RASEF: variants seen among roughly 807,000 people sequenced by gnomAD.
The protein encoded by RASEF is RAS and EF-hand domain containing.
Under a neutral mutation model 90.1 loss-of-function variants are expected in RASEF, and 68 were observed. That is an observed-to-expected ratio of 0.75 (90% CI 0.62 to 0.92). The LOEUF (loss-of-function observed/expected upper bound fraction) is 0.92, where lower values mean the gene tolerates loss of function less well. RASEF is among the 40% of genes least tolerant of loss of function. RASEF has a pLI of 0.00. For missense variants in RASEF, 949 were observed against 937.2 expected (o/e 1.01, Z -0.16); for synonymous variants, 331 against 345.2 (o/e 0.96, Z 0.46).
At chr9:83,120,729 G>C in the RASEF span, among the ~76,000 whole-genome samples, 1 of 152,128 alleles carries the variant, frequency 6.6e-6, no homozygotes, top group Non-Finnish European at 1.5e-5. Context: ...TAAAAATGTA[G>C]ATTGGTAATC....
At chr9:83,091,963 T>C in the RASEF span, among the ~76,000 whole-genome samples, 1 of 147,674 alleles carries the variant, frequency 6.8e-6, no homozygotes, top group African/African-American at 2.5e-5. Flanking sequence ...CTTACTAAGA[T>C]CCAGCTATGT....
the RASEF span, among the ~76,000 whole-genome samples, chr9:83,071,487 C>T: frequency 6.6e-6 from 1 of 152,110 alleles, no homozygotes; most frequent in Admixed American, 6.5e-5. Context: ...CTCATGGCAA[C>T]CTCTGCCTCC....
At chr9:83,136,641 G>A in the RASEF span, among the ~76,000 whole-genome samples, 1 of 152,058 alleles carries the variant, frequency 6.6e-6, no homozygotes, top group Non-Finnish European at 1.5e-5. Flanking sequence ...TGGCATATTT[G>A]AGCTGTCCAG....
the RASEF span, among the ~76,000 whole-genome samples, chr9:83,080,637 T>TA: frequency 2.0e-5 from 3 of 152,132 alleles, no homozygotes; most frequent in Admixed American, 1.3e-4. Flanking sequence ...CTCTCAATGT[T>TA]AAAAAAATTA....
the RASEF span, among the ~76,000 whole-genome samples, chr9:83,159,058 T>C: frequency 4.6e-5 from 7 of 151,856 alleles, no homozygotes; most frequent in Non-Finnish European, 1.0e-4. Context: ...TGGTGGCAGG[T>C]GCCTGTAGTC....
At chr9:83,159,107 AC>A in the RASEF span, among the ~76,000 whole-genome samples, 1 of 151,016 alleles carries the variant, frequency 6.6e-6, no homozygotes, top group Non-Finnish European at 1.5e-5. Flanking sequence ...AATGGTGTAA[AC>A]CCAGGAGGCG....
chr9:83,031,361 T>C (rs7043189), intron 1 of RASEF, among the ~76,000 whole-genome samples: 4,517 of 152,288 alleles, frequency 0.03, 207 homozygotes, highest in African/African-American at 0.1. Flanking sequence ...CTTGAAGCAT[T>C]CAGATACCAA....
the RASEF span, among the ~76,000 whole-genome samples, chr9:83,139,150 A>G: frequency 6.6e-6 from 1 of 152,328 alleles, no homozygotes; most frequent in East Asian, 1.9e-4. Context: ...AAGAGTAGGG[A>G]GCTTGTTAGA....
the RASEF span, among the ~76,000 whole-genome samples, chr9:83,079,017 CTGT>C: frequency 6.6e-6 from 1 of 152,250 alleles, no homozygotes; most frequent in East Asian, 1.9e-4. Context: ...GTTGTTTCCT[CTGT>C]TGTTAGTTTC....
chr9:82,996,575 A>G (rs1828922722), intron 14 of RASEF, among the ~76,000 whole-genome samples: 1 of 152,140 alleles, frequency 6.6e-6, no homozygotes, highest in Non-Finnish European at 1.5e-5. Context: ...GAGAGCTCCC[A>G]TACAATTTGA....
the RASEF span, among the ~76,000 whole-genome samples, chr9:83,102,965 C>T: frequency 6.6e-6 from 1 of 152,114 alleles, no homozygotes; most frequent in Non-Finnish European, 1.5e-5. Flanking sequence ...CAGCATGACC[C>T]CAAACATCAA....
At chr9:83,071,693 A>C in the RASEF span, among the ~76,000 whole-genome samples, 1 of 152,218 alleles carries the variant, frequency 6.6e-6, no homozygotes, top group Non-Finnish European at 1.5e-5. Context: ...GGTGTGAGCC[A>C]CTGCACACGG....
the RASEF span, among the ~76,000 whole-genome samples, chr9:83,123,602 A>G: frequency 7.7e-6 from 1 of 130,258 alleles, no homozygotes; most frequent in South Asian, 2.5e-4. Context: ...CAAACCCTCC[A>G]ACAGATGCTT....
At chr9:83,000,147 T>A in intron 12 of RASEF, 22 bp downstream of exon 12, 1 of 1,606,502 alleles carries the variant, frequency 6.2e-7, no homozygotes, top group South Asian at 1.1e-5. Context: ...TTTCCCATTA[T>A]CAACCGAAAT....
chr9:83,087,048 T>C, the RASEF span, among the ~76,000 whole-genome samples: 1 of 152,158 alleles, frequency 6.6e-6, no homozygotes, highest in Admixed American at 6.5e-5. Flanking sequence ...ACAGAGCCAC[T>C]TAAAACAAGT....
At chr9:83,086,826 G>C in the RASEF span, among the ~76,000 whole-genome samples, 1 of 152,124 alleles carries the variant, frequency 6.6e-6, no homozygotes, top group African/African-American at 2.4e-5. Context: ...GAACAAGAAA[G>C]GGAGAGATAA....
chr9:82,997,562 T>C (rs1828945284), intron 13 of RASEF, among the ~76,000 whole-genome samples: 1 of 152,126 alleles, frequency 6.6e-6, no homozygotes, highest in African/African-American at 2.4e-5. Flanking sequence ...GAACTACCAG[T>C]GTGGAACGCT....
At chr9:83,020,786 A>G (rs918271155) in intron 3 of RASEF, among the ~76,000 whole-genome samples, 8 of 152,200 alleles carry the variant, frequency 5.3e-5, no homozygotes, top group African/African-American at 2.4e-5. Flanking sequence ...AAGCAATGAG[A>G]TATGATGACA....
intron 3 of RASEF, among the ~76,000 whole-genome samples, chr9:83,018,390 T>C (rs1829382298): frequency 6.6e-6 from 1 of 152,156 alleles, no homozygotes; most frequent in Admixed American, 6.5e-5. Context: ...AACTATGACA[T>C]ACTGAGTATA....
Sources: gnomAD v4.1 joint callset for allele counts (sites outside exome capture counted in the v4.1 genomes callset) on GRCh38, gnomAD v4.1.1 for gene constraint, MANE v1.5 for transcripts, NCBI Gene and HGNC (gene_info 2026-07-23, HGNC 2026-07-21) for gene names.